Variants in GALNTL6 observed in about 807,000 individuals in gnomAD.
The protein encoded by GALNTL6 is polypeptide N-acetylgalactosaminyltransferase-like 6.
Under a neutral mutation model 73.7 loss-of-function variants are expected in GALNTL6, and 46 were observed. The observed-to-expected ratio is 0.62, with a 90% CI of 0.49 to 0.80. GALNTL6 has a LOEUF of 0.80. Ranked by LOEUF, GALNTL6 falls within the 30% of genes least tolerant of loss-of-function variation. The pLI is 0.00. For synonymous variants in GALNTL6, 259 were observed against 263.7 expected (o/e 0.98, Z 0.17); for missense variants, 604 against 755.0 (o/e 0.80, Z 2.34).
At chr4:172,288,610 A>T (rs1017022728) in intron 3 of GALNTL6, among the ~76,000 whole-genome samples, 1 of 152,226 alleles carries the variant, frequency 6.6e-6, no homozygotes, top group East Asian at 1.9e-4. Context: ...AGCAGTTTCC[A>T]TATGAACTGG....
intron 2 of GALNTL6, among the ~76,000 whole-genome samples, chr4:172,121,109 G>A (rs1733137407): frequency 6.6e-6 from 1 of 151,728 alleles, no homozygotes; most frequent in Admixed American, 6.6e-5. Flanking sequence ...TATTCAGGAA[G>A]GTAAAAGAAG....
intron 11 of GALNTL6, among the ~76,000 whole-genome samples, chr4:173,012,255 A>C (rs1561085918): frequency 6.6e-6 from 1 of 152,168 alleles, no homozygotes; most frequent in African/African-American, 2.4e-5. Flanking sequence ...CATCTTGTAC[A>C]TTAAACTAGA....
intron 2 of GALNTL6, among the ~76,000 whole-genome samples, chr4:171,843,106 A>G (rs747917757): frequency 9.2e-5 from 14 of 152,172 alleles, no homozygotes; most frequent in Non-Finnish European, 1.5e-4. Context: ...GGTGACTGCT[A>G]GAATGATGGA....
chr4:172,562,166 TAAC>T (rs1736396972), intron 5 of GALNTL6, among the ~76,000 whole-genome samples: 1 of 152,170 alleles, frequency 6.6e-6, no homozygotes, highest in Admixed American at 6.5e-5. Flanking sequence ...TCTGGTGTTC[TAAC>T]AACAGCCTCT....
At chr4:172,208,939 CA>C (rs1390979549) in intron 2 of GALNTL6, among the ~76,000 whole-genome samples, 6 of 152,020 alleles carry the variant, frequency 3.9e-5, no homozygotes, top group Admixed American at 3.3e-4. Flanking sequence ...TATAGGAAAA[CA>C]AAAAGATTTT....
Position 172,918,140 on chromosome 4 carries a change from C to G in GALNTL6, c.1042-13021C>G, listed in dbSNP as rs28592756. ...CATTCTGAGCAAACTATCACAAGGA[C>G]AGAAAACCAAACACCGCATGCTCTC... On this transcript the variant is annotated intron_variant, in intron 8 of 12. Coordinates refer to ENST00000506823, the MANE Select transcript of GALNTL6 (RefSeq NM_001034845.3). Among the ~76,000 whole-genome samples, 1,233 of 152,182 alleles carry G rather than the reference C, an allele frequency of 8.1e-3. 13 individuals are homozygous for G. Among genetic ancestry groups the G allele is most frequent in the African/African-American group, 0.028 (1,160 of 41,506 alleles).
rs139866775 is a variant in GALNTL6, at chr4:172,182,693, A to C, written c.139-46963A>C. ...AATTAAGCCAAAGGAAGTGCCACAAAATTTAATACCTGTTGGTTTGTGTAA... is the reference window on the plus strand; with the variant it reads ...AATTAAGCCAAAGGAAGTGCCACAACATTTAATACCTGTTGGTTTGTGTAA... On this transcript the variant is annotated intron_variant, in intron 2 of 12. Transcript: ENST00000506823. Among the ~76,000 whole-genome samples, 17 of 152,050 alleles carry C rather than the reference A, an allele frequency of 1.1e-4. No individual in the cohort carries two copies. In the East Asian group the frequency reaches 3.3e-3, roughly 29 times the overall value.
chr4:172,723,904 G>GTGTACA, intron 5 of GALNTL6, among the ~76,000 whole-genome samples: 1 of 152,230 alleles, frequency 6.6e-6, no homozygotes, highest in African/African-American at 2.4e-5. Flanking sequence ...CCTCTGTACA[G>GTGTACA]GTTCACTGAT....
chr4:172,924,714 G>A (rs556165974), intron 8 of GALNTL6, among the ~76,000 whole-genome samples: 1 of 152,144 alleles, frequency 6.6e-6, no homozygotes, highest in Non-Finnish European at 1.5e-5. Context: ...GGCCAGGGGA[G>A]TGGGAAGGTA....
chr4:172,915,105 C>T (rs1747431994), intron 8 of GALNTL6, among the ~76,000 whole-genome samples: 1 of 152,214 alleles, frequency 6.6e-6, no homozygotes, highest in Non-Finnish European at 1.5e-5. Flanking sequence ...TCACTCAAAA[C>T]CTCACAACTA....
chr4:172,341,427 G>A (rs959991785), intron 4 of GALNTL6, among the ~76,000 whole-genome samples: 4 of 139,856 alleles, frequency 2.9e-5, no homozygotes, highest in Non-Finnish European at 4.5e-5. Context: ...CTCCAGCCTG[G>A]GCGACAGAGC....
chr4:172,488,451 G>T (rs764856734), intron 5 of GALNTL6, among the ~76,000 whole-genome samples: 1 of 152,148 alleles, frequency 6.6e-6, no homozygotes, highest in Non-Finnish European at 1.5e-5. Context: ...ATACATCTGC[G>T]GGTAGCTGCT....
chr4:172,931,656 G>A (rs1364368953), intron 9 of GALNTL6, among the ~76,000 whole-genome samples: 1 of 152,166 alleles, frequency 6.6e-6, no homozygotes, highest in Non-Finnish European at 1.5e-5. Flanking sequence ...AGCAGGATCT[G>A]TAATAAGTCA....
chr4:172,377,983 T>A (rs1031516890), intron 5 of GALNTL6, among the ~76,000 whole-genome samples: 1 of 151,214 alleles, frequency 6.6e-6, no homozygotes, highest in Non-Finnish European at 1.5e-5. Flanking sequence ...AGAGAGGGGC[T>A]TCCACAGTGC....
At chr4:172,902,864 C>T (rs1236966673) in intron 8 of GALNTL6, among the ~76,000 whole-genome samples, 3 of 152,140 alleles carry the variant, frequency 2.0e-5, no homozygotes, top group African/African-American at 7.2e-5. Context: ...ACGTGCCAAC[C>T]CTGGGCTAAG....
chr4:172,309,121 A>G (rs778768964), intron 3 of GALNTL6, among the ~76,000 whole-genome samples: 12 of 152,102 alleles, frequency 7.9e-5, no homozygotes, highest in Non-Finnish European at 1.5e-4. Flanking sequence ...GCCAAATGTC[A>G]TTTAAAGATT....
intron 2 of GALNTL6, among the ~76,000 whole-genome samples, chr4:171,998,066 A>G (rs1740546901): frequency 6.6e-6 from 1 of 152,166 alleles, no homozygotes; most frequent in Non-Finnish European, 1.5e-5. Context: ...CTTTTACCCC[A>G]TTAGATATTA....
In GALNTL6 at chr4:172,134,616, G is replaced by A. The variant is rs183972705; in HGVS notation, c.139-95040G>A. ...ATTAAATTTTGGACATGCTGCAGAT[G>A]AAATATATGACATAATTAAGAAAAG... On this transcript the variant is annotated intron_variant, in intron 2 of 12. Transcript: ENST00000506823. Among the ~76,000 whole-genome samples the A allele has an allele frequency of 4.4e-3, 674 of 152,300 alleles. 4 individuals are homozygous for A. Among genetic ancestry groups the A allele is most frequent in the Non-Finnish European group, 6.8e-3 (465 of 68,018 alleles).
intron 2 of GALNTL6, chr4:171,814,943 G>A (rs1734484920): frequency 1.8e-6 from 1 of 569,834 alleles, no homozygotes. Flanking sequence ...GATAAGACAG[G>A]TCAAGAAGAA....
Sources: allele counts gnomAD v4.1 joint callset (sites outside exome capture counted in the v4.1 genomes callset), GRCh38; gene constraint gnomAD v4.1.1; transcripts MANE v1.5; gene names NCBI Gene and HGNC (gene_info 2026-07-23, HGNC 2026-07-21).